SLC35F4: variants seen among roughly 807,000 people sequenced by gnomAD.
SLC35F4 encodes the protein chromosome 14 open reading frame 36.
Under a neutral mutation model 44.2 loss-of-function variants are expected in SLC35F4, and 24 were observed. The ratio of observed to expected loss-of-function variants is 0.54; its 90% CI spans 0.39 to 0.76. The LOEUF is 0.76. Among genes scored for constraint, SLC35F4 ranks in the 30% least tolerant of loss-of-function variants. The pLI, the probability that SLC35F4 is intolerant of heterozygous loss-of-function variation, is 0.00. For missense variants in SLC35F4, 562 were observed against 586.1 expected (o/e 0.96, Z 0.42); for synonymous variants, 238 against 223.6 (o/e 1.06, Z -0.57).
At chr14:57,767,039 A>G (rs2077252088) in intron 1 of SLC35F4, among the ~76,000 whole-genome samples, 1 of 152,236 alleles carries the variant, frequency 6.6e-6, no homozygotes, top group African/African-American at 2.4e-5. Context: ...AGGAAGACAT[A>G]TGATTCTAAA....
chr14:57,622,889 G>T lies in SLC35F4; in HGVS notation c.104-28765C>A, dbSNP rs570995462. Among the ~76,000 whole-genome samples, 4 of 151,962 alleles carry T rather than the reference G, an allele frequency of 2.6e-5. No individual in the cohort carries two copies. In the East Asian group the frequency reaches 5.8e-4, roughly 22 times the overall value. The stretch of plus-strand genomic sequence containing the variant: ...AAATTGTAAAGACTATTGACACTAT[G>T]AAGAAACTGCATCAACTAACAGGCA... On this transcript the variant is annotated intron_variant, in intron 1 of 7. Coordinates refer to ENST00000556826, the MANE Select transcript of SLC35F4 (RefSeq NM_001306087.2).
intron 1 of SLC35F4, among the ~76,000 whole-genome samples, chr14:57,599,360 A>G (rs971794996): frequency 3.3e-5 from 5 of 152,240 alleles, no homozygotes; most frequent in Non-Finnish European, 5.9e-5. Context: ...TGCCAATATC[A>G]GACCCATTGA....
At chr14:57,752,460 TC>T in intron 1 of SLC35F4, among the ~76,000 whole-genome samples, 1 of 150,864 alleles carries the variant, frequency 6.6e-6, no homozygotes, top group Non-Finnish European at 1.5e-5. Context: ...TTTTTTTTTT[TC>T]TTTTTTTTCT....
At chr14:57,738,041 A>G (rs1025335969) in intron 1 of SLC35F4, among the ~76,000 whole-genome samples, 1 of 152,238 alleles carries the variant, frequency 6.6e-6, no homozygotes, top group East Asian at 1.9e-4. Context: ...CTTCACATAA[A>G]AAATGTTTGA....
At chr14:57,681,103 C>T (rs187286944) in intron 1 of SLC35F4, among the ~76,000 whole-genome samples, 3 of 152,188 alleles carry the variant, frequency 2.0e-5, no homozygotes, top group African/African-American at 4.8e-5. Context: ...GAAGCCATCA[C>T]GCTACTGACT....
At chr14:57,774,823 C>A (rs1223251299) in intron 1 of SLC35F4, among the ~76,000 whole-genome samples, 1 of 152,236 alleles carries the variant, frequency 6.6e-6, no homozygotes, top group African/African-American at 2.4e-5. Context: ...CCACATCCTG[C>A]ATTGCTTTGA....
At position 57,623,566 on chromosome 14, in the gene SLC35F4, C is replaced by T. The variant is rs143520822; in HGVS notation, c.104-29442G>A. On this transcript the variant is annotated intron_variant, in intron 1 of 7. Transcript: ENST00000556826. ...ATTGACCACATAATTGGAAAACACT[C>T]GTCAGCAAATGCAAAAGAATGGAAA... is the stretch of plus-strand genomic sequence containing the variant. 5.1e-3 allele frequency among the ~76,000 whole-genome samples: 769 copies of T among 152,244 alleles called. 11 individuals are homozygous for T. The highest frequency in any genetic ancestry group is 0.018 in the African/African-American group (744 of 41,538).
chr14:57,736,046 T>C (rs1468764341), intron 1 of SLC35F4, among the ~76,000 whole-genome samples: 1 of 152,080 alleles, frequency 6.6e-6, no homozygotes, highest in Non-Finnish European at 1.5e-5. Flanking sequence ...GAAGTGGCAG[T>C]CACAATACAA....
At chr14:57,785,300 G>A (rs1185446548) in intron 1 of SLC35F4, among the ~76,000 whole-genome samples, 1 of 151,930 alleles carries the variant, frequency 6.6e-6, no homozygotes, top group East Asian at 1.9e-4. Context: ...CTTGGCCAAG[G>A]GCAACAAACT....
chr14:57,950,203 T>G (rs1890108986), intron 1 of SLC35F4, among the ~76,000 whole-genome samples: 2 of 151,962 alleles, frequency 1.3e-5, no homozygotes, highest in African/African-American at 4.8e-5. Flanking sequence ...CCCAAATTTC[T>G]TGGAAGCTTT....
chr14:57,901,930 A>G (rs939538609), intron 1 of SLC35F4, among the ~76,000 whole-genome samples: 2 of 152,054 alleles, frequency 1.3e-5, no homozygotes, highest in African/African-American at 4.8e-5. Flanking sequence ...ACCTCCACTC[A>G]GTACTCAGTA....
chr14:57,845,570 G>A (rs1169102475), intron 1 of SLC35F4, among the ~76,000 whole-genome samples: 1 of 152,162 alleles, frequency 6.6e-6, no homozygotes, highest in Non-Finnish European at 1.5e-5. Flanking sequence ...TGTATACAGT[G>A]CCTATTTGGG....
chr14:57,899,192 AT>A (rs1475069925), intron 1 of SLC35F4, among the ~76,000 whole-genome samples: 2 of 152,210 alleles, frequency 1.3e-5, no homozygotes, highest in Admixed American at 1.3e-4. Flanking sequence ...TCTACCTGCC[AT>A]TGCCACGTAT....
At chr14:57,968,603 A>G (rs1205266919) in intron 1 of SLC35F4, among the ~76,000 whole-genome samples, 3 of 152,236 alleles carry the variant, frequency 2.0e-5, no homozygotes, top group Non-Finnish European at 4.4e-5. Flanking sequence ...TAAAACTGAC[A>G]TTAGCTGGAA....
intron 1 of SLC35F4, among the ~76,000 whole-genome samples, chr14:57,682,645 A>AAT (rs1031698105): frequency 6.6e-6 from 1 of 151,662 alleles, no homozygotes; most frequent in African/African-American, 2.4e-5. Context: ...AATGAAAAAA[A>AAT]AAAAGATGCC....
chr14:57,617,552 A>G (rs1236688652), intron 1 of SLC35F4, among the ~76,000 whole-genome samples: 1 of 152,258 alleles, frequency 6.6e-6, no homozygotes, highest in African/African-American at 2.4e-5. Flanking sequence ...AATACCTTGC[A>G]TGTGCTAGGC....
chr14:57,899,609 T>G (rs74053864), intron 1 of SLC35F4, among the ~76,000 whole-genome samples: 3,516 of 152,288 alleles, frequency 0.023, 123 homozygotes, highest in East Asian at 0.087. Context: ...AAGAATGTCA[T>G]TGGCTTGTGA....
At chr14:57,664,457 GA>G (rs1319792074) in intron 1 of SLC35F4, among the ~76,000 whole-genome samples, 1 of 152,098 alleles carries the variant, frequency 6.6e-6, no homozygotes, top group African/African-American at 2.4e-5. Context: ...CATCCAGGCT[GA>G]AGTACATTGG....
intron 1 of SLC35F4, among the ~76,000 whole-genome samples, chr14:57,967,639 T>G (rs1383787154): frequency 2.6e-5 from 4 of 152,218 alleles, no homozygotes; most frequent in Non-Finnish European, 4.4e-5. Context: ...TTATCATCAT[T>G]TCTCAGCTAG....
Sources: allele counts gnomAD v4.1 joint callset (sites outside exome capture counted in the v4.1 genomes callset), GRCh38; gene constraint gnomAD v4.1.1; transcripts MANE v1.5; gene names NCBI Gene and HGNC (gene_info 2026-07-23, HGNC 2026-07-21).